The following PBRM1 variants were observed in gnomAD, a reference collection of about 807,000 sequenced individuals.
The protein encoded by PBRM1 is polybromo 1, also known as protein polybromo-1.
In PBRM1, 27 loss-of-function variants were observed where a neutral mutation model predicts 194.5. That is an observed-to-expected ratio of 0.14 (90% CI 0.10 to 0.19). The LOEUF is 0.19. Ranked by LOEUF, PBRM1 falls within the 10% of genes least tolerant of loss-of-function variation. PBRM1 has a pLI of 1.00. For synonymous variants in PBRM1, 655 were observed against 693.2 expected, an observed-to-expected ratio of 0.94 and a Z score of 0.87; for missense variants, 1,466 against 2,077.2, an observed-to-expected ratio of 0.71 and a Z score of 5.72.
At chr3:52,662,838 A>AC (rs2096752664) in intron 3 of PBRM1, among the ~76,000 whole-genome samples, 1 of 151,478 alleles carries the variant, frequency 6.6e-6, no homozygotes, top group African/African-American at 2.4e-5. Flanking sequence ...AAAAAAAAAA[A>AC]AAACACCAAA....
chr3:52,557,055 G>A (rs1378445177), intron 26 of PBRM1, among the ~76,000 whole-genome samples: 2 of 151,934 alleles, frequency 1.3e-5, no homozygotes, highest in Non-Finnish European at 2.9e-5. Context: ...CAATGTCAAC[G>A]AGGGAATTCT....
chr3:52,641,454 AAAAAAAAAAG>A (rs1163333724), intron 10 of PBRM1, among the ~76,000 whole-genome samples: 4 of 149,110 alleles, frequency 2.7e-5, no homozygotes, highest in East Asian at 1.9e-4. Flanking sequence ...CTCAAAAAAA[AAAAAAAAAAG>A]AAAAAAAAAA....
At chr3:52,595,559 A>G (rs907495025) in intron 17 of PBRM1, among the ~76,000 whole-genome samples, 6 of 152,238 alleles carry the variant, frequency 3.9e-5, no homozygotes, top group African/African-American at 1.4e-4. Context: ...TGAGTTCCTC[A>G]TACATTCTGG....
chr3:52,675,634 A>C (rs2097081515), intron 2 of PBRM1, among the ~76,000 whole-genome samples: 3 of 152,214 alleles, frequency 2.0e-5, no homozygotes, highest in Admixed American at 2.0e-4. Flanking sequence ...TATGTTGTTC[A>C]CAGTAATCAA....
At chr3:52,646,243 T>C (rs1186064686) in intron 7 of PBRM1, among the ~76,000 whole-genome samples, 2 of 152,226 alleles carry the variant, frequency 1.3e-5, no homozygotes, top group African/African-American at 4.8e-5. Flanking sequence ...CCAACAGCAA[T>C]TTTGAGTATT....
chr3:52,559,279 C>T (rs566218911), intron 25 of PBRM1, among the ~76,000 whole-genome samples: 13 of 152,286 alleles, frequency 8.5e-5, no homozygotes, highest in African/African-American at 3.1e-4. Context: ...CATCCTGCTA[C>T]CTCCCCACTC....
exon 20 of PBRM1, chr3:52,586,434 G>A (rs2153760022): frequency 1.9e-6 from 3 of 1,611,150 alleles, no homozygotes; most frequent in Non-Finnish European, 2.5e-6. Flanking sequence ...CCTTTTCCAA[G>A]TTAAAATTGT....
chr3:52,652,639 G>A (rs1304961186), intron 5 of PBRM1, among the ~76,000 whole-genome samples: 1 of 151,294 alleles, frequency 6.6e-6, no homozygotes, highest in Non-Finnish European at 1.5e-5. Context: ...GCAGCGAGCC[G>A]AGATCATGCC....
exon 14 of PBRM1, chr3:52,617,318 C>T (rs1394528754): frequency 6.2e-7 from 1 of 1,614,074 alleles, no homozygotes; most frequent in East Asian, 2.2e-5. Context: ...TTCATGTCTT[C>T]TATCATTCCC....
exon 26 of PBRM1, chr3:52,558,304 C>A (rs1387523038): frequency 6.5e-7 from 1 of 1,549,684 alleles, no homozygotes; most frequent in Non-Finnish European, 8.7e-7. Context: ...GTGGTGGCAC[C>A]ACCCCCATGA....
At chr3:52,573,076 T>A (rs2087989039) in intron 22 of PBRM1, among the ~76,000 whole-genome samples, 1 of 152,202 alleles carries the variant, frequency 6.6e-6, no homozygotes, top group African/African-American at 2.4e-5. Context: ...TACTGGCACC[T>A]CCTTTAATTC....
At chr3:52,593,653 A>G (rs576955314) in intron 17 of PBRM1, among the ~76,000 whole-genome samples, 1 of 152,298 alleles carries the variant, frequency 6.6e-6, no homozygotes, top group South Asian at 2.1e-4. Context: ...CGTTTCAAAG[A>G]ACTTCTTGAT....
In PBRM1 at chr3:52,642,070, G is replaced by A. The variant is rs1353530335; in HGVS notation, c.996-25C>T. ...ACTACAAAAAAAAAAAAAGCAATTAGACAGGGAAGGATGTTATAATAATTA... is the reference window on the plus strand; with the variant it reads ...ACTACAAAAAAAAAAAAAGCAATTAAACAGGGAAGGATGTTATAATAATTA... On this transcript the variant is annotated intron_variant, in intron 9 of 29. Transcript: ENST00000296302. 2.7e-6 allele frequency: 3 copies of A among 1,104,646 alleles called. No homozygotes were observed. In the Admixed American group the frequency reaches 5.3e-5, roughly 20 times the overall value. The allele number at this position is 1,104,646 out of a possible 1,614,324, so 68.4% of individuals were successfully genotyped here. A position where few individuals can be genotyped will look rare whatever the true frequency, so the allele number is the denominator to read the frequency against.
At chr3:52,549,024 T>G (rs1466283348) in intron 29 of PBRM1, among the ~76,000 whole-genome samples, 1 of 134,982 alleles carries the variant, frequency 7.4e-6, no homozygotes. Context: ...GGTAAAATAG[T>G]TTTTTTTTTT....
intron 7 of PBRM1, among the ~76,000 whole-genome samples, chr3:52,647,692 T>C (rs2096362601): frequency 6.6e-6 from 1 of 151,796 alleles, no homozygotes; most frequent in Admixed American, 6.6e-5. Context: ...GGATAAACCC[T>C]GAAAACATTA....
intron 17 of PBRM1, among the ~76,000 whole-genome samples, chr3:52,602,744 CTGTTGGTTT>C (rs1445163687): frequency 6.6e-6 from 1 of 152,192 alleles, no homozygotes. Flanking sequence ...GGTGACAAAG[CTGTTGGTTT>C]TGCAGTTAGT....
chr3:52,655,058 A>G (rs2096583205), intron 5 of PBRM1, among the ~76,000 whole-genome samples: 2 of 152,110 alleles, frequency 1.3e-5, no homozygotes, highest in African/African-American at 4.8e-5. Flanking sequence ...TACTTCTTTT[A>G]TAATTTTTTT....
At chr3:52,665,560 C>G (rs1441125947) in intron 3 of PBRM1, among the ~76,000 whole-genome samples, 1 of 152,198 alleles carries the variant, frequency 6.6e-6, no homozygotes, top group African/African-American at 2.4e-5. Context: ...AGGAGGTGAG[C>G]AGCAGGCAAG....
chr3:52,657,408 T>C (rs1449055829), intron 5 of PBRM1, among the ~76,000 whole-genome samples: 1 of 152,182 alleles, frequency 6.6e-6, no homozygotes, highest in Non-Finnish European at 1.5e-5. Context: ...TGTAAAATGA[T>C]AGACCGTATA....
Sources: gnomAD v4.1 joint callset for allele counts (sites outside exome capture counted in the v4.1 genomes callset) on GRCh38, gnomAD v4.1.1 for gene constraint, MANE v1.5 for transcripts, NCBI Gene and HGNC (gene_info 2026-07-23, HGNC 2026-07-21) for gene names.